The following BRIP1 variants were observed in gnomAD, a reference collection of about 807,000 sequenced individuals.
The protein encoded by BRIP1 is BRCA1 interacting DNA helicase 1, also known as Fanconi anemia group J protein.
In BRIP1, 88 loss-of-function variants were observed where a neutral mutation model predicts 119.7. That is an observed-to-expected ratio of 0.74 (90% CI 0.62 to 0.88). BRIP1 has a LOEUF of 0.88. Among genes scored for constraint, BRIP1 ranks in the 40% least tolerant of loss-of-function variants. BRIP1 has a pLI of 0.00. For missense variants in BRIP1, 1,259 were observed against 1,455.4 expected, an observed-to-expected ratio of 0.87 and a Z score of 2.20; for synonymous variants, 443 against 496.5, an observed-to-expected ratio of 0.89 and a Z score of 1.43.
rs1202976729 is a variant in BRIP1, at chr17:61,842,997, A to G, written c.627+4104T>C. On this transcript the variant is annotated intron_variant, in intron 6 of 19. Transcript: ENST00000259008. The surrounding 1 kb of genome is among the most constrained non-coding windows in gnomAD (Gnocchi z 5.1). Reference sequence around the variant, plus strand: ...GTCTGTCAATGGATGAATAAAGAAAATGTGGTGTGTATGTGTATGTCAATG... The same window carrying G: ...GTCTGTCAATGGATGAATAAAGAAAGTGTGGTGTGTATGTGTATGTCAATG... Among the ~76,000 whole-genome samples the G allele has an allele frequency of 6.6e-6, 1 of 152,194 alleles. No individual in the cohort carries two copies. The highest frequency in any genetic ancestry group is 1.9e-4 in the East Asian group (1 of 5,198).
chr17:61,859,725 G>A (rs2078947126), intron 3 of BRIP1, 71 bp downstream of exon 3: 7 of 974,116 alleles, frequency 7.2e-6, no homozygotes, highest in Admixed American at 5.2e-5. Context: ...GAACCAGTCT[G>A]GATAAAGAAT....
chr17:61,734,225 G>T lies in BRIP1; in HGVS notation c.2379+8788C>A, dbSNP rs958429172. On this transcript the variant is annotated intron_variant, in intron 16 of 19. Transcript: ENST00000259008. This position sits in a 1 kb window ranked among gnomAD's most constrained non-coding sequence, Gnocchi z 5.2. ...ATCACAGTAATTGGCCAGAGGATTT[G>T]CTTTAGATATCCATTAAAAAGGCAG... Among the ~76,000 whole-genome samples the T allele has an allele frequency of 2.6e-5, 4 of 152,082 alleles. No individual in the cohort carries two copies. Among genetic ancestry groups the T allele is most frequent in the African/African-American group, 9.7e-5 (4 of 41,418 alleles).
At chr17:61,716,779 A>C (rs2061875220) in intron 16 of BRIP1, among the ~76,000 whole-genome samples, 2 of 135,912 alleles carry the variant, frequency 1.5e-5, no homozygotes, top group Non-Finnish European at 1.6e-5. Context: ...CCCTCCCCCC[A>C]TATTATTTCC....
chr17:61,696,556 T>C lies in BRIP1; in HGVS notation c.2493-3044A>G, dbSNP rs1026305702. Among the ~76,000 whole-genome samples, 5 of 152,130 alleles carry C rather than the reference T, an allele frequency of 3.3e-5. No individual in the cohort carries two copies. The South Asian group carries it at 8.3e-4, about 25-fold the overall frequency. Reference sequence around the variant, plus strand: ...TTCTTCTGTAAATTTTTGGTAGAATTCACCAGTGAAGCCATTTGATCATGA... The same window carrying C: ...TTCTTCTGTAAATTTTTGGTAGAATCCACCAGTGAAGCCATTTGATCATGA... On this transcript the variant is annotated intron_variant, in intron 17 of 19. Transcript: ENST00000259008.
At chr17:61,786,817 TATAA>T (rs1206893645) in intron 10 of BRIP1, among the ~76,000 whole-genome samples, 2 of 129,884 alleles carry the variant, frequency 1.5e-5, no homozygotes, top group Admixed American at 1.8e-4. Context: ...ATATATTTTA[TATAA>T]ATATATTTTA....
In BRIP1 at chr17:61,784,202, A is replaced by T. The variant is rs1283717803; in HGVS notation, c.1628+68T>A. 6 of 1,432,114 alleles carry T rather than the reference A, an allele frequency of 4.2e-6. 1 individual carries two copies. In the East Asian group the frequency reaches 1.4e-4, roughly 33 times the overall value. 88.7% of individuals were successfully genotyped at this position (1,432,114 alleles called of 1,614,324 possible). On this transcript the variant is annotated intron_variant, in intron 11 of 19. Coordinates refer to ENST00000259008, the MANE Select transcript of BRIP1 (RefSeq NM_032043.3). ...TACTCACCCAAAATAGGTATGTATT[A>T]AACACATGCTAGCATCCAAATTAGG...
At chr17:61,820,961 AAGAAAG>A (rs780624169) in intron 6 of BRIP1, among the ~76,000 whole-genome samples, 8 of 146,184 alleles carry the variant, frequency 5.5e-5, no homozygotes, top group Non-Finnish European at 8.9e-5. Context: ...AAAAAAAAAA[AAGAAAG>A]AAAGAAAGAA....
intron 6 of BRIP1, among the ~76,000 whole-genome samples, chr17:61,826,329 GA>G (rs1217952080): frequency 6.6e-6 from 1 of 152,040 alleles, no homozygotes; most frequent in Non-Finnish European, 1.5e-5. Flanking sequence ...CTGGACATAG[GA>G]ACAGGCAAAG....
Position 61,847,202 on chromosome 17 carries a change from A to C in BRIP1, c.526T>G (p.Phe176Val), listed in dbSNP as rs746963627. The change falls in exon 6 of 20, where the codon TTT becomes GTT. Residue 176 changes from phenylalanine (F) to valine (V), a missense_variant. Physicochemically the swap from Phe to Val is conservative, Grantham distance 50. Transcript: ENST00000259008. ...TCCAAATTGTGTACTTCTGTTCCAA[A>C]GCAATGACGTTTTCTAATCTGTAAA... ...TTQQIRKRHC[F>V]GTEVHNLDAK... 1 of 1,613,818 alleles carries C rather than the reference A, an allele frequency of 6.2e-7. No homozygotes were observed. Among genetic ancestry groups the C allele is most frequent in the Non-Finnish European group, 8.5e-7 (1 of 1,179,790 alleles).
chr17:61,827,710 C>A lies in BRIP1; in HGVS notation c.628-18953G>T, dbSNP rs1273320362. Among the ~76,000 whole-genome samples the A allele has an allele frequency of 2.6e-5, 4 of 152,146 alleles. No individual in the cohort carries two copies. Among genetic ancestry groups the A allele is most frequent in the Non-Finnish European group, 5.9e-5 (4 of 68,026 alleles). ...TGCCACTGCACTCCGGCCTGGGCGACAGAGTGAAGCCCTGTCTCAAAAAAG... is the reference window on the plus strand; with the variant it reads ...TGCCACTGCACTCCGGCCTGGGCGAAAGAGTGAAGCCCTGTCTCAAAAAAG... On this transcript the variant is annotated intron_variant, in intron 6 of 19. Transcript: ENST00000259008. The surrounding 1 kb of genome is among the most constrained non-coding windows in gnomAD (Gnocchi z 5.8).
chr17:61,793,021 A>C lies in BRIP1; in HGVS notation c.1473+576T>G, dbSNP rs1484055032. On this transcript the variant is annotated intron_variant, in intron 10 of 19. Transcript: ENST00000259008. The surrounding 1 kb of genome is among the most constrained non-coding windows in gnomAD (Gnocchi z 5.2). ...CTAAACCTAAAACAACCATTCTAAA[A>C]TACATAATCTATTAATTTAAATAAG... is the stretch of plus-strand genomic sequence containing the variant. 1.3e-5 allele frequency among the ~76,000 whole-genome samples: 2 copies of C among 152,174 alleles called. No homozygotes were observed. The highest frequency in any genetic ancestry group is 2.9e-5 in the Non-Finnish European group (2 of 68,022).
intron 10 of BRIP1, among the ~76,000 whole-genome samples, chr17:61,787,359 ATATAT>A (rs994852502): frequency 8.4e-5 from 11 of 131,482 alleles, no homozygotes; most frequent in Admixed American, 2.6e-4. Flanking sequence ...TTATATATTA[ATATAT>A]TATATATAGT....
At position 61,705,795 on chromosome 17, in the gene BRIP1, T is replaced by G. The variant is rs1409250190; in HGVS notation, c.2492+10156A>C. 6.6e-6 allele frequency among the ~76,000 whole-genome samples: 1 copy of G among 152,156 alleles called. No homozygotes were observed. The highest frequency in any genetic ancestry group is 1.9e-4 in the East Asian group (1 of 5,194). On this transcript the variant is annotated intron_variant, in intron 17 of 19. Transcript: ENST00000259008. The surrounding 1 kb of genome is among the most constrained non-coding windows in gnomAD (Gnocchi z 5.0). ...AATATTTTCTAATTTTACTTGAAAC[T>G]TGCTGTTTTGCCTGTGGATTATTTA...
rs116444001 is a variant in BRIP1 at position 61,845,196 on chromosome 17, C to G, written c.627+1905G>C. On this transcript the variant is annotated intron_variant, in intron 6 of 19. Coordinates refer to ENST00000259008, the MANE Select transcript of BRIP1 (RefSeq NM_032043.3). This position sits in a 1 kb window ranked among gnomAD's most constrained non-coding sequence, Gnocchi z 4.2. Reference sequence around the variant, plus strand: ...TGCAATTTAACAGAAGAAGCTTCTACATAATTTCTCCAACTATTAATATAA... The same window carrying G: ...TGCAATTTAACAGAAGAAGCTTCTAGATAATTTCTCCAACTATTAATATAA... Among the ~76,000 whole-genome samples, 567 of 152,224 alleles carry G rather than the reference C, an allele frequency of 3.7e-3. 2 individuals are homozygous for G. The highest frequency in any genetic ancestry group is 0.012 in the African/African-American group (516 of 41,540).
rs191006137 is a variant in BRIP1 at position 61,723,621 on chromosome 17, C to T, written c.2380-7558G>A. Among the ~76,000 whole-genome samples, 14 of 152,302 alleles carry T rather than the reference C, an allele frequency of 9.2e-5. No homozygotes were observed. The East Asian group carries it at 2.3e-3, about 25-fold the overall frequency. ...CAGAAAGTAAGCACCATAAACTGAG[C>T]TCAAGTGTGGTTTGGGAAGATGATC... On this transcript the variant is annotated intron_variant, in intron 16 of 19. Coordinates refer to ENST00000259008, the MANE Select transcript of BRIP1 (RefSeq NM_032043.3).
chr17:61,819,621 A>T (rs2078290884), intron 6 of BRIP1, among the ~76,000 whole-genome samples: 1 of 152,338 alleles, frequency 6.6e-6, no homozygotes, highest in Middle Eastern at 3.4e-3. Context: ...AAAATAAGCC[A>T]GGCACAGAAA....
At position 61,755,191 on chromosome 17, in the gene BRIP1, A is replaced by G. The variant is rs559516614; in HGVS notation, c.2098-10600T>C. 1.4e-4 allele frequency among the ~76,000 whole-genome samples: 22 copies of G among 152,294 alleles called. No individual in the cohort carries two copies. The highest frequency in any genetic ancestry group is 5.3e-4 in the African/African-American group (22 of 41,568). ...TAAATGAATGAAAAATGAAGGTCCA[A>G]AACAATGGAAGGTCAGGGAGGAGAG... On this transcript the variant is annotated intron_variant, in intron 14 of 19. Coordinates refer to ENST00000259008, the MANE Select transcript of BRIP1 (RefSeq NM_032043.3). The surrounding 1 kb of genome is among the most constrained non-coding windows in gnomAD (Gnocchi z 4.5).
At chr17:61,791,308 G>T (rs1033215433) in intron 10 of BRIP1, among the ~76,000 whole-genome samples, 2 of 151,640 alleles carry the variant, frequency 1.3e-5, no homozygotes, top group African/African-American at 4.8e-5. Context: ...GGCCAACATG[G>T]TGAAACCCTG....
At position 61,738,314 on chromosome 17, in the gene BRIP1, A is replaced by G. The variant is rs1046312036; in HGVS notation, c.2379+4699T>C. ...CCAGACATATGGCAATAAGAAATACACTTCCCAGTACATCTAGTAGTGCTG... is the reference window on the plus strand; with the variant it reads ...CCAGACATATGGCAATAAGAAATACGCTTCCCAGTACATCTAGTAGTGCTG... On this transcript the variant is annotated intron_variant, in intron 16 of 19. Coordinates refer to ENST00000259008, the MANE Select transcript of BRIP1 (RefSeq NM_032043.3). The surrounding 1 kb of genome is among the most constrained non-coding windows in gnomAD (Gnocchi z 4.2). Among the ~76,000 whole-genome samples the G allele has an allele frequency of 9.2e-5, 14 of 151,754 alleles. No individual in the cohort carries two copies. The highest frequency in any genetic ancestry group is 1.8e-4 in the Non-Finnish European group (12 of 67,954).
Sources: gnomAD v4.1 joint callset for allele counts (sites outside exome capture counted in the v4.1 genomes callset) on GRCh38, gnomAD v4.1.1 for gene constraint, Gnocchi (gnomAD v3.1) non-coding constraint, MANE v1.5 for transcripts, NCBI Gene and HGNC (gene_info 2026-07-23, HGNC 2026-07-21) for gene names.